The following PDE1A variants were observed in gnomAD, a reference collection of about 807,000 sequenced individuals.
PDE1A encodes dual specificity calcium/calmodulin-dependent 3',5'-cyclic nucleotide phosphodiesterase 1A.
PDE1A carries 35 observed loss-of-function variants against 61.7 expected under a neutral mutation model. The ratio of observed to expected loss-of-function variants is 0.57; its 90% CI spans 0.43 to 0.75. PDE1A has a LOEUF of 0.75. Ranked by LOEUF, PDE1A falls within the 30% of genes least tolerant of loss-of-function variation. The pLI, the probability that PDE1A is intolerant of heterozygous loss-of-function variation, is 0.00. For missense variants in PDE1A, 597 were observed against 630.6 expected (o/e 0.95, Z 0.57); for synonymous variants, 232 against 213.2 (o/e 1.09, Z -0.77).
At chr2:182,600,920 C>T in the PDE1A span, among the ~76,000 whole-genome samples, 1 of 152,170 alleles carries the variant, frequency 6.6e-6, no homozygotes, top group Non-Finnish European at 1.5e-5. Flanking sequence ...GTATTAAGAA[C>T]ATGTCTCCTG....
At chr2:182,370,034 G>A (rs62190186) in intron 1 of PDE1A, among the ~76,000 whole-genome samples, 26,340 of 151,770 alleles carry the variant, frequency 0.17, 2,529 homozygotes, top group Middle Eastern at 0.34. Flanking sequence ...AAAATTAGCC[G>A]GGCGTGGTGG....
At chr2:182,152,578 G>A (rs1690849533) in intron 13 of PDE1A, among the ~76,000 whole-genome samples, 1 of 151,756 alleles carries the variant, frequency 6.6e-6, no homozygotes, top group Non-Finnish European at 1.5e-5. Context: ...CTGCCACCAG[G>A]CCCAGCTAAT....
intron 6 of PDE1A, among the ~76,000 whole-genome samples, chr2:182,224,442 T>G (rs1198373586): frequency 6.6e-6 from 1 of 151,966 alleles, no homozygotes; most frequent in East Asian, 1.9e-4. Flanking sequence ...TTCATTTTCA[T>G]GTTTAGAGAT....
chr2:182,393,350 C>G (rs945637505), intron 1 of PDE1A, among the ~76,000 whole-genome samples: 2 of 151,948 alleles, frequency 1.3e-5, no homozygotes, highest in Admixed American at 6.6e-5. Context: ...AGACTGCACA[C>G]AGCAGCAAGA....
At chr2:182,577,066 G>A in the PDE1A span, among the ~76,000 whole-genome samples, 300 of 152,212 alleles carry the variant, frequency 2.0e-3, 2 homozygotes, top group African/African-American at 6.9e-3. Flanking sequence ...TTGATGCACA[G>A]AAGTTTTTAA....
chr2:182,504,715 G>A (rs1689290446), intron 2 of PDE1A, among the ~76,000 whole-genome samples: 1 of 152,158 alleles, frequency 6.6e-6, no homozygotes, highest in Non-Finnish European at 1.5e-5. Flanking sequence ...GATAAACACT[G>A]TATGAGTATT....
At chr2:182,664,412 G>T in the PDE1A span, among the ~76,000 whole-genome samples, 2 of 152,078 alleles carry the variant, frequency 1.3e-5, no homozygotes, top group Non-Finnish European at 2.9e-5. Context: ...AAAACCACAT[G>T]GCTATAAAAA....
the PDE1A span, among the ~76,000 whole-genome samples, chr2:182,701,201 A>AT: frequency 2.0e-5 from 3 of 151,142 alleles, no homozygotes; most frequent in African/African-American, 7.3e-5. Context: ...CGCCCGGCTA[A>AT]TTTTTTTGTA....
chr2:182,270,106 C>G lies in PDE1A; in HGVS notation c.54-5692G>C, dbSNP rs552272931. 1.9e-3 allele frequency among the ~76,000 whole-genome samples: 293 copies of G among 152,234 alleles called. 2 individuals carry two copies. Among genetic ancestry groups the G allele is most frequent in the African/African-American group, 6.8e-3 (282 of 41,566 alleles). On this transcript the variant is annotated intron_variant, in intron 1 of 13. Transcript: ENST00000351439. ...TCAGCCTGAAAATATGTGCTGAGCA[C>G]ACTTTGATCTGCTTAGTTTTTAAAG...
chr2:182,358,032 A>G (rs1699294627), intron 1 of PDE1A, among the ~76,000 whole-genome samples: 2 of 152,142 alleles, frequency 1.3e-5, no homozygotes, highest in African/African-American at 2.4e-5. Flanking sequence ...GTGGATGACT[A>G]TCTCTTGGTT....
At chr2:182,605,830 T>C in the PDE1A span, among the ~76,000 whole-genome samples, 1 of 152,200 alleles carries the variant, frequency 6.6e-6, no homozygotes, top group East Asian at 1.9e-4. Context: ...GAACTAAATG[T>C]TAATGTGAAC....
At chr2:182,392,860 G>A (rs904199006) in intron 1 of PDE1A, among the ~76,000 whole-genome samples, 1 of 152,272 alleles carries the variant, frequency 6.6e-6, no homozygotes, top group Admixed American at 6.5e-5. Flanking sequence ...GGGTTCCCAT[G>A]GTCTTGGGCA....
chr2:182,289,597 G>GA (rs1694393212), intron 1 of PDE1A, among the ~76,000 whole-genome samples: 2 of 152,072 alleles, frequency 1.3e-5, no homozygotes. Context: ...CAGATTTCAA[G>GA]AGGGGCCCTT....
chr2:182,174,238 C>T (rs1692516520), intron 13 of PDE1A, among the ~76,000 whole-genome samples: 1 of 152,056 alleles, frequency 6.6e-6, no homozygotes, highest in Non-Finnish European at 1.5e-5. Context: ...AAAAGCCTCT[C>T]TAAGTGTCCA....
the PDE1A span, among the ~76,000 whole-genome samples, chr2:182,532,776 G>A: frequency 1.3e-5 from 2 of 151,178 alleles, no homozygotes; most frequent in African/African-American, 4.9e-5. Flanking sequence ...GTGAGACCCC[G>A]TCTCTACCAA....
At chr2:182,228,092 T>C (rs1292251013) in intron 6 of PDE1A, among the ~76,000 whole-genome samples, 2 of 152,140 alleles carry the variant, frequency 1.3e-5, no homozygotes, top group Admixed American at 1.3e-4. Flanking sequence ...GACAGCACTT[T>C]ATAAAACATT....
chr2:182,645,977 G>A, the PDE1A span, among the ~76,000 whole-genome samples: 1 of 152,046 alleles, frequency 6.6e-6, no homozygotes, highest in Non-Finnish European at 1.5e-5. Context: ...TCCCCATTTG[G>A]GGAAGGAAAT....
intron 2 of PDE1A, among the ~76,000 whole-genome samples, chr2:182,486,233 C>A: frequency 6.6e-6 from 1 of 151,762 alleles, no homozygotes; most frequent in South Asian, 2.1e-4. Flanking sequence ...AAATTCTTAG[C>A]AATGGGTTAA....
the PDE1A span, among the ~76,000 whole-genome samples, chr2:182,558,547 C>A: frequency 2.6e-5 from 4 of 152,098 alleles, no homozygotes; most frequent in Non-Finnish European, 5.9e-5. Context: ...AGGACTGCTA[C>A]AAGAAGTGAA....
Sources: allele counts gnomAD v4.1 joint callset (sites outside exome capture counted in the v4.1 genomes callset), GRCh38; gene constraint gnomAD v4.1.1; transcripts MANE v1.5; gene names NCBI Gene and HGNC (gene_info 2026-07-23, HGNC 2026-07-21).